EXOC4: variants seen among roughly 807,000 people sequenced by gnomAD.
The protein encoded by EXOC4 is exocyst complex component 4, also known as SEC8-like 1.
A neutral mutation model predicts 107.2 loss-of-function variants in EXOC4; 71 were observed. The ratio of observed to expected loss-of-function variants is 0.66; its 90% confidence interval spans 0.55 to 0.81. EXOC4 has a LOEUF of 0.81. Ranked by LOEUF, EXOC4 falls within the 30% of genes least tolerant of loss-of-function variation. The pLI, the probability that EXOC4 is intolerant of heterozygous loss-of-function variation, is 0.00. For synonymous variants in EXOC4, 456 were observed against 441.2 expected, an observed-to-expected ratio of 1.03 and a Z score of -0.42; for missense variants, 1,108 against 1,189.6, an observed-to-expected ratio of 0.93 and a Z score of 1.01.
At chr7:133,911,539 A>T (rs1031579537) in intron 12 of EXOC4, among the ~76,000 whole-genome samples, 2 of 152,230 alleles carry the variant, frequency 1.3e-5, no homozygotes, top group African/African-American at 4.8e-5. Context: ...TTTTTTAATA[A>T]AATGGGATCG....
chr7:133,741,281 C>G (rs1795558621), intron 10 of EXOC4, among the ~76,000 whole-genome samples: 1 of 152,154 alleles, frequency 6.6e-6, no homozygotes, highest in Admixed American at 6.5e-5. Context: ...CTTGTCTCTC[C>G]CCACCAGGCC....
At chr7:134,059,106 G>C (rs956155065) in intron 17 of EXOC4, among the ~76,000 whole-genome samples, 15 of 152,140 alleles carry the variant, frequency 9.9e-5, no homozygotes, top group East Asian at 7.7e-4. Flanking sequence ...AGAGACCTTG[G>C]ACAGTTCCCC....
At chr7:133,712,649 T>A (rs1794919588) in intron 10 of EXOC4, among the ~76,000 whole-genome samples, 1 of 152,066 alleles carries the variant, frequency 6.6e-6, no homozygotes, top group African/African-American at 2.4e-5. Context: ...CAAGTACATA[T>A]ACACACACAT....
rs4731994 is a variant in EXOC4, at chr7:134,040,294, G to A, written c.2688-23997G>A. On this transcript the variant is annotated intron_variant, in intron 17 of 17. Coordinates refer to ENST00000253861, the MANE Select transcript of EXOC4 (RefSeq NM_021807.4). Reference sequence around the variant, plus strand: ...GTCAGAGTTAAAGAAAAACTTGCCTGATAACTGTTCTTTCTTAATTGGCCA... The same window carrying A: ...GTCAGAGTTAAAGAAAAACTTGCCTAATAACTGTTCTTTCTTAATTGGCCA... 2.4e-3 allele frequency among the ~76,000 whole-genome samples: 366 copies of A among 152,310 alleles called. 6 individuals are homozygous for A. The East Asian group carries it at 0.05, about 21-fold the overall frequency.
chr7:133,403,684 C>T (rs1311677687), intron 7 of EXOC4, among the ~76,000 whole-genome samples: 1 of 152,138 alleles, frequency 6.6e-6, no homozygotes, highest in Non-Finnish European at 1.5e-5. Context: ...AATCCCAGCA[C>T]TTTGGGAGGC....
At chr7:134,008,594 G>A (rs1323120416) in intron 17 of EXOC4, among the ~76,000 whole-genome samples, 1 of 151,900 alleles carries the variant, frequency 6.6e-6, no homozygotes, top group Non-Finnish European at 1.5e-5. Flanking sequence ...TTCTCACTGG[G>A]AGGAAAGTGA....
chr7:133,412,711 T>C (rs778668755), intron 7 of EXOC4, among the ~76,000 whole-genome samples: 2 of 152,034 alleles, frequency 1.3e-5, no homozygotes, highest in Non-Finnish European at 2.9e-5. Flanking sequence ...CTAATTCATG[T>C]GACACCATCA....
rs542201454 is a variant in EXOC4 at position 133,544,393 on chromosome 7, G to A, written c.1417+64255G>A. Among the ~76,000 whole-genome samples, 6 of 152,064 alleles carry A rather than the reference G, an allele frequency of 3.9e-5. No individual in the cohort carries two copies. The East Asian group carries it at 1.2e-3, about 29-fold the overall frequency. ...TCCTGCTGGTAAAGTGACTTTTATAGTAACTTCCACCATTTATTTGTTTTC... is the reference window on the plus strand; with the variant it reads ...TCCTGCTGGTAAAGTGACTTTTATAATAACTTCCACCATTTATTTGTTTTC... On this transcript the variant is annotated intron_variant, in intron 9 of 17. Coordinates refer to ENST00000253861, the MANE Select transcript of EXOC4 (RefSeq NM_021807.4).
At chr7:133,345,294 TAG>T (rs1474045729) in intron 5 of EXOC4, among the ~76,000 whole-genome samples, 3 of 152,302 alleles carry the variant, frequency 2.0e-5, no homozygotes, top group African/African-American at 7.2e-5. Context: ...CAGAAACTGA[TAG>T]AGATTCTAAT....
At position 133,392,199 on chromosome 7, in the gene EXOC4, AT is replaced by A. The variant is rs373551565; in HGVS notation, c.1182+17202del. 2.0e-4 allele frequency among the ~76,000 whole-genome samples: 30 copies of A among 152,150 alleles called. No individual in the cohort carries two copies. The East Asian group carries it at 4.6e-3, about 24-fold the overall frequency. On this transcript the variant is annotated intron_variant, in intron 7 of 17. Coordinates refer to ENST00000253861, the MANE Select transcript of EXOC4 (RefSeq NM_021807.4). ...AAATAGACTGAATATCCCTGTAGGC[AT>A]TTTTCATTTCTCTCTTCTCTGATTC...
chr7:133,501,734 C>G (rs1451775066), intron 9 of EXOC4, among the ~76,000 whole-genome samples: 1 of 152,046 alleles, frequency 6.6e-6, no homozygotes, highest in African/African-American at 2.4e-5. Context: ...TTGACAGTTG[C>G]CTTTGTTCAT....
At chr7:134,008,654 T>C (rs1022453482) in intron 17 of EXOC4, among the ~76,000 whole-genome samples, 1 of 152,124 alleles carries the variant, frequency 6.6e-6, no homozygotes, top group East Asian at 1.9e-4. Flanking sequence ...TCTTAATTTT[T>C]TTTTAAGTGA....
At chr7:133,271,676 A>G (rs768441561) in intron 1 of EXOC4, among the ~76,000 whole-genome samples, 3 of 152,138 alleles carry the variant, frequency 2.0e-5, no homozygotes, top group African/African-American at 4.8e-5. Flanking sequence ...CTTTGGGCCC[A>G]TCTGCCTAAC....
intron 11 of EXOC4, among the ~76,000 whole-genome samples, chr7:133,871,689 T>C (rs968623694): frequency 2.6e-5 from 4 of 152,188 alleles, no homozygotes; most frequent in African/African-American, 9.6e-5. Flanking sequence ...ACATTCTTCC[T>C]CTACCAGTGG....
At chr7:134,084,727 A>AAG in the EXOC4 span, among the ~76,000 whole-genome samples, 17 of 145,114 alleles carry the variant, frequency 1.2e-4, no homozygotes, top group African/African-American at 3.2e-4. Context: ...AAAAAAAAAA[A>AAG]AAATTCACCA....
intron 7 of EXOC4, among the ~76,000 whole-genome samples, chr7:133,376,362 C>T (rs1046971017): frequency 4.0e-5 from 6 of 151,778 alleles, no homozygotes; most frequent in East Asian, 1.9e-4. Context: ...TATGTTTATC[C>T]GTCTTATGTA....
rs939756441 is a variant in EXOC4, at chr7:133,962,766, A to G, written c.2206+24697A>G. 2.0e-5 allele frequency among the ~76,000 whole-genome samples: 3 copies of G among 152,248 alleles called. No individual in the cohort carries two copies. In the South Asian group the frequency reaches 6.2e-4, roughly 31 times the overall value. ...ACGTGAACCAAGCCATTTACGCTTC[A>G]TAGGAACAGATTATATCATTTGAAA... On this transcript the variant is annotated intron_variant, in intron 14 of 17. Transcript: ENST00000253861.
chr7:133,839,801 T>C (rs1383618288), intron 11 of EXOC4, among the ~76,000 whole-genome samples: 2 of 152,230 alleles, frequency 1.3e-5, no homozygotes, highest in Non-Finnish European at 2.9e-5. Flanking sequence ...TTCTAAGTAT[T>C]ACACTTGAAA....
intron 10 of EXOC4, among the ~76,000 whole-genome samples, chr7:133,783,364 C>T (rs890052880): frequency 3.9e-5 from 6 of 152,210 alleles, no homozygotes; most frequent in African/African-American, 1.4e-4. Flanking sequence ...ATCATCATCT[C>T]ATAACCCATA....
Sources: gnomAD v4.1 joint callset for allele counts (sites outside exome capture counted in the v4.1 genomes callset) on GRCh38, gnomAD v4.1.1 for gene constraint, MANE v1.5 for transcripts, NCBI Gene and HGNC (gene_info 2026-07-23, HGNC 2026-07-21) for gene names.